Variants in FAM78B observed in about 807,000 individuals in gnomAD.
FAM78B encodes the protein protein FAM78B.
A neutral mutation model predicts 20.0 loss-of-function variants in FAM78B; 10 were observed. That is an observed-to-expected ratio of 0.50 (90% CI 0.31 to 0.85). The LOEUF is 0.85. FAM78B is among the 40% of genes least tolerant of loss of function. FAM78B has a pLI of 0.05. For synonymous variants in FAM78B, 135 were observed against 132.8 expected (o/e 1.02, Z -0.12); for missense variants, 283 against 345.0 (o/e 0.82, Z 1.42).
chr1:166,115,090 C>T (rs1323088533), intron 1 of FAM78B, among the ~76,000 whole-genome samples: 3 of 152,184 alleles, frequency 2.0e-5, no homozygotes, highest in Admixed American at 2.0e-4. Context: ...CATGAAACAG[C>T]ATGGTTTGTT....
chr1:166,158,758 G>C (rs1375920207), intron 1 of FAM78B, among the ~76,000 whole-genome samples: 1 of 152,196 alleles, frequency 6.6e-6, no homozygotes, highest in Non-Finnish European at 1.5e-5. Context: ...CTGCCTCTGT[G>C]GGGGAATATC....
chr1:166,143,828 G>A (rs186439800), intron 1 of FAM78B, among the ~76,000 whole-genome samples: 2 of 152,236 alleles, frequency 1.3e-5, no homozygotes, highest in African/African-American at 2.4e-5. Context: ...CCTTAACCAC[G>A]TGAGCCCCTG....
intron 1 of FAM78B, among the ~76,000 whole-genome samples, chr1:166,130,630 A>G (rs746208793): frequency 4.6e-5 from 7 of 152,156 alleles, no homozygotes; most frequent in Non-Finnish European, 1.0e-4. Flanking sequence ...CCAACAAAGA[A>G]CTAACCAGGC....
intron 1 of FAM78B, among the ~76,000 whole-genome samples, chr1:166,072,814 C>T (rs919726291): frequency 1.3e-5 from 2 of 152,156 alleles, no homozygotes; most frequent in African/African-American, 2.4e-5. Context: ...CTTACTGTGG[C>T]GTATTGCCTG....
chr1:166,142,507 T>A (rs1655316776), intron 1 of FAM78B, among the ~76,000 whole-genome samples: 1 of 152,232 alleles, frequency 6.6e-6, no homozygotes, highest in African/African-American at 2.4e-5. Context: ...ATTCCTCCCC[T>A]CAAGGATCTT....
intron 1 of FAM78B, among the ~76,000 whole-genome samples, chr1:166,142,803 T>C (rs1304724423): frequency 6.6e-6 from 1 of 152,220 alleles, no homozygotes; most frequent in Admixed American, 6.5e-5. Context: ...ATCTACTGAA[T>C]ACCACAGGCC....
intron 1 of FAM78B, among the ~76,000 whole-genome samples, chr1:166,131,004 T>G (rs1401483364): frequency 6.7e-6 from 1 of 148,434 alleles, no homozygotes; most frequent in African/African-American, 2.5e-5. Flanking sequence ...TTTTTTTTTT[T>G]GATACAAGAG....
rs115425836 is a variant in FAM78B at position 166,124,693 on chromosome 1, C to T, written c.263+41293G>A. The stretch of plus-strand genomic sequence containing the variant: ...CCAGGGCAGATACTGTGACAGCCAT[C>T]CTTGCACTGCTGGTATTGGCTGAGT... On this transcript the variant is annotated intron_variant, in intron 1 of 1. Transcript: ENST00000354422. Among the ~76,000 whole-genome samples, 696 of 152,344 alleles carry T rather than the reference C, an allele frequency of 4.6e-3. 1 individual carries two copies. The highest frequency in any genetic ancestry group is 0.02 in the Middle Eastern group (6 of 294).
At chr1:166,152,916 T>C (rs1046517318) in intron 1 of FAM78B, among the ~76,000 whole-genome samples, 2 of 152,156 alleles carry the variant, frequency 1.3e-5, no homozygotes, top group African/African-American at 4.8e-5. Flanking sequence ...GACCTCATGA[T>C]CTGCCTGCCT....
At chr1:166,149,335 T>G (rs899677183) in intron 1 of FAM78B, among the ~76,000 whole-genome samples, 1 of 152,248 alleles carries the variant, frequency 6.6e-6, no homozygotes, top group Non-Finnish European at 1.5e-5. Context: ...CTCCATCCTT[T>G]GAGGATTTCT....
chr1:166,096,941 C>T (rs976511999), intron 1 of FAM78B, among the ~76,000 whole-genome samples: 6 of 152,164 alleles, frequency 3.9e-5, no homozygotes, highest in African/African-American at 7.2e-5. Context: ...AGGTCCAGAT[C>T]GACTGCAAGA....
intron 1 of FAM78B, among the ~76,000 whole-genome samples, chr1:166,126,705 C>A (rs1292344271): frequency 6.6e-6 from 1 of 152,062 alleles, no homozygotes; most frequent in African/African-American, 2.4e-5. Context: ...GTGTAATATA[C>A]ACAATAATAC....
At chr1:166,101,967 A>G (rs1477444012) in intron 1 of FAM78B, among the ~76,000 whole-genome samples, 2 of 152,188 alleles carry the variant, frequency 1.3e-5, no homozygotes, top group East Asian at 3.9e-4. Flanking sequence ...GAGAAAGGTC[A>G]GGTTACCCAC....
At chr1:166,142,119 C>T (rs1655303130) in intron 1 of FAM78B, among the ~76,000 whole-genome samples, 1 of 152,158 alleles carries the variant, frequency 6.6e-6, no homozygotes, top group Non-Finnish European at 1.5e-5. Flanking sequence ...GGACAGTCTG[C>T]ATGGAAGGGA....
intron 1 of FAM78B, among the ~76,000 whole-genome samples, chr1:166,161,843 A>G (rs1656157302): frequency 1.3e-5 from 2 of 152,204 alleles, no homozygotes; most frequent in Admixed American, 6.5e-5. Context: ...TCGGGTCTGG[A>G]TACCCTAAGC....
chr1:166,086,285 C>T lies in FAM78B; in HGVS notation c.264-15522G>A, dbSNP rs558774905. ...ACCTGATTCTCCCTCCCCCACCATC[C>T]CCACAGCACAGGGTTTCCTCATAGG... On this transcript the variant is annotated intron_variant, in intron 1 of 1. Coordinates refer to ENST00000354422, the MANE Select transcript of FAM78B (RefSeq NM_001017961.5). 4.5e-4 allele frequency among the ~76,000 whole-genome samples: 69 copies of T among 152,242 alleles called. No individual in the cohort carries two copies. In the South Asian group the frequency reaches 0.013, roughly 29 times the overall value.
At chr1:166,090,231 A>G (rs1452525938) in intron 1 of FAM78B, among the ~76,000 whole-genome samples, 2 of 152,204 alleles carry the variant, frequency 1.3e-5, no homozygotes, top group South Asian at 2.1e-4. Context: ...TAAGAAATGA[A>G]AAGTCCAATC....
At chr1:166,150,134 A>G (rs567772567) in intron 1 of FAM78B, among the ~76,000 whole-genome samples, 1 of 152,284 alleles carries the variant, frequency 6.6e-6, no homozygotes, top group South Asian at 2.1e-4. Context: ...TGAGGAATGC[A>G]TCTCAGAGAA....
At chr1:166,099,290 C>A (rs565244552) in intron 1 of FAM78B, among the ~76,000 whole-genome samples, 1 of 152,240 alleles carries the variant, frequency 6.6e-6, no homozygotes, top group Admixed American at 6.5e-5. Context: ...CAAAACAGAA[C>A]CTCTTTAAGG....
Sources: allele counts gnomAD v4.1 joint callset (sites outside exome capture counted in the v4.1 genomes callset), GRCh38; gene constraint gnomAD v4.1.1; transcripts MANE v1.5; gene names NCBI Gene and HGNC (gene_info 2026-07-23, HGNC 2026-07-21).